The following RNF216 variants were observed in gnomAD, a reference collection of about 807,000 sequenced individuals.
The protein encoded by RNF216 is ring finger protein 216, also known as E3 ubiquitin-protein ligase RNF216.
RNF216 carries 72 observed loss-of-function variants against 110.8 expected under a neutral mutation model. The ratio of observed to expected loss-of-function variants is 0.65; its 90% CI spans 0.54 to 0.79. The LOEUF is 0.79. RNF216 is among the 30% of genes least tolerant of loss of function. The pLI is 0.00. For missense variants in RNF216, 1,342 were observed against 1,141.2 expected, an observed-to-expected ratio of 1.18 and a Z score of -2.54; for synonymous variants, 495 against 407.5, an observed-to-expected ratio of 1.21 and a Z score of -2.59.
chr7:5,753,097 ACCT>A (rs1795419663), intron 2 of RNF216, 118 bp from the exon 3 acceptor site: 1 of 983,054 alleles, frequency 1.0e-6, no homozygotes, highest in African/African-American at 1.6e-5. Flanking sequence ...AGTGTAACGT[ACCT>A]CCTCAAGCAG....
At chr7:5,740,941 T>C in intron 4 of RNF216, 32 bp downstream of exon 4, 1 of 1,536,790 alleles carries the variant, frequency 6.5e-7, no homozygotes, top group Non-Finnish European at 8.7e-7. Flanking sequence ...GTATATGTAG[T>C]GTCTACATTT....
Position 5,741,238 on chromosome 7 carries a change from A to G in RNF216, c.779T>C (p.Leu260Pro). ...TTCATGCTGAAACAACAAGCGGCCC[A>G]GTTCTGCTTCAGGCTGCCGTTCCTG... ...VPQERQPEAE[L>P]GRLLFQHEFP... Residue 260 changes from leucine to proline, a missense_variant, in exon 4 of 17, where the codon CTG becomes CCG. Coordinates refer to ENST00000389902, the MANE Select transcript of RNF216 (RefSeq NM_207111.4). The G allele has an allele frequency of 6.2e-7, 1 of 1,614,178 alleles. No individual in the cohort carries two copies. Among genetic ancestry groups the G allele is most frequent in the Non-Finnish European group, 8.5e-7 (1 of 1,180,022 alleles).
chr7:5,738,087 CAAAAAAAAAAAAAAAAAAAA>C (rs200643372), intron 5 of RNF216, among the ~76,000 whole-genome samples: 3 of 111,006 alleles, frequency 2.7e-5, no homozygotes, highest in Admixed American at 1.8e-4. Context: ...AGACTGTCTC[CAAAAAAAAAAAAAAAAAAAA>C]AAAAAAAAAA....
At chr7:5,714,254 C>T (rs948635860) in intron 11 of RNF216, among the ~76,000 whole-genome samples, 1 of 148,806 alleles carries the variant, frequency 6.7e-6, no homozygotes, top group Admixed American at 6.7e-5. Context: ...AGCCACAGCG[C>T]CTGGCCTATT....
chr7:5,634,572 G>A (rs146223611), intron 15 of RNF216, among the ~76,000 whole-genome samples: 42 of 152,320 alleles, frequency 2.8e-4, no homozygotes, highest in Non-Finnish European at 4.1e-4. Context: ...AGGCAGGACA[G>A]TGTGCTGGGG....
At chr7:5,692,883 C>T (rs568667298) in intron 13 of RNF216, among the ~76,000 whole-genome samples, 2 of 152,308 alleles carry the variant, frequency 1.3e-5, no homozygotes, top group South Asian at 4.1e-4. Context: ...TCCCTTAACC[C>T]TTGGTGAGCA....
chr7:5,762,801 C>G (rs1796002306), intron 1 of RNF216, among the ~76,000 whole-genome samples: 1 of 152,140 alleles, frequency 6.6e-6, no homozygotes, highest in African/African-American at 2.4e-5. Context: ...TGAAAAGGAA[C>G]TTGAACTTGA....
intron 13 of RNF216, among the ~76,000 whole-genome samples, chr7:5,659,866 TAAG>T (rs1562798761): frequency 6.6e-6 from 1 of 152,044 alleles, no homozygotes; most frequent in African/African-American, 2.4e-5. Flanking sequence ...CTTTTTTTGT[TAAG>T]AAGAAGAGAA....
At chr7:5,634,897 C>T (rs565112190) in intron 15 of RNF216, among the ~76,000 whole-genome samples, 2 of 152,256 alleles carry the variant, frequency 1.3e-5, no homozygotes, top group East Asian at 1.9e-4. Flanking sequence ...GCAAAACTGC[C>T]AGGGCCCCTT....
At chr7:5,750,892 T>TA (rs1795293101) in intron 3 of RNF216, among the ~76,000 whole-genome samples, 1 of 151,448 alleles carries the variant, frequency 6.6e-6, no homozygotes, top group Non-Finnish European at 1.5e-5. Flanking sequence ...GATTACCTAC[T>TA]AACTCAACAG....
intron 1 of RNF216, among the ~76,000 whole-genome samples, chr7:5,765,756 AAC>A (rs1796171082): frequency 6.7e-6 from 1 of 150,126 alleles, no homozygotes; most frequent in South Asian, 2.1e-4. Context: ...CAGCCTGGGC[AAC>A]ACAGTGAAAC....
At chr7:5,751,827 TAAAAAAAAAAAAA>T (rs3075700) in intron 3 of RNF216, among the ~76,000 whole-genome samples, 2 of 37,296 alleles carry the variant, frequency 5.4e-5, no homozygotes, top group South Asian at 1.9e-3. Flanking sequence ...ATCTTTAAAC[TAAAAAAAAAAAAA>T]AAAAAAAAAA....
intron 4 of RNF216, 89 bp downstream of exon 4, chr7:5,740,884 C>T (rs1183808180): frequency 1.5e-6 from 2 of 1,338,314 alleles, no homozygotes; most frequent in Non-Finnish European, 2.0e-6. Flanking sequence ...CCACGCATAC[C>T]AACAACTTTT....
intron 1 of RNF216, among the ~76,000 whole-genome samples, chr7:5,781,136 G>A (rs1356876292): frequency 6.6e-6 from 1 of 152,176 alleles, no homozygotes; most frequent in East Asian, 1.9e-4. Flanking sequence ...CACAGGCACG[G>A]CCCGCCTCCC....
intron 2 of RNF216, among the ~76,000 whole-genome samples, chr7:5,757,463 A>G (rs1795704098): frequency 6.6e-6 from 1 of 151,976 alleles, no homozygotes; most frequent in Non-Finnish European, 1.5e-5. Context: ...CTTCCTAACA[A>G]AATTTTTTTA....
intron 13 of RNF216, among the ~76,000 whole-genome samples, chr7:5,700,207 A>T (rs1435201820): frequency 6.6e-6 from 1 of 152,116 alleles, no homozygotes; most frequent in African/African-American, 2.4e-5. Flanking sequence ...GAGAATGCAA[A>T]GAGGGAACAC....
intron 14 of RNF216, among the ~76,000 whole-genome samples, chr7:5,642,456 C>T (rs1434805139): frequency 6.6e-6 from 1 of 151,752 alleles, no homozygotes; most frequent in Non-Finnish European, 1.5e-5. Flanking sequence ...TCAGGTGATC[C>T]ACCTGCCTCG....
intron 14 of RNF216, chr7:5,650,162 G>A (rs1362444574): frequency 6.6e-6 from 1 of 152,178 alleles, no homozygotes; most frequent in Non-Finnish European, 1.5e-5. Context: ...CCAAAGCTAG[G>A]CTCATGACAG....
chr7:5,775,740 G>T (rs1360655545), intron 1 of RNF216, among the ~76,000 whole-genome samples: 2 of 151,986 alleles, frequency 1.3e-5, no homozygotes, highest in African/African-American at 4.8e-5. Context: ...GTGGTTGCAG[G>T]CACCTGTAGT....
Sources: gnomAD v4.1 joint callset for allele counts (sites outside exome capture counted in the v4.1 genomes callset) on GRCh38, gnomAD v4.1.1 for gene constraint, MANE v1.5 for transcripts, NCBI Gene and HGNC (gene_info 2026-07-23, HGNC 2026-07-21) for gene names.